ADAMTS12: variants seen among roughly 807,000 people sequenced by gnomAD.
The protein encoded by ADAMTS12 is A disintegrin and metalloproteinase with thrombospondin motifs 12.
ADAMTS12 carries 118 observed loss-of-function variants against 167.8 expected under a neutral mutation model. That is an observed-to-expected ratio of 0.70 (90% CI 0.61 to 0.82). ADAMTS12 has a LOEUF of 0.82. Among genes scored for constraint, ADAMTS12 ranks in the 40% least tolerant of loss-of-function variants. ADAMTS12 has a pLI of 0.00. For missense variants in ADAMTS12, 1,916 were observed against 1,998.8 expected (o/e 0.96, Z 0.79); for synonymous variants, 704 against 716.9 (o/e 0.98, Z 0.29).
intron 3 of ADAMTS12, among the ~76,000 whole-genome samples, chr5:33,701,246 C>G (rs1232344482): frequency 6.6e-6 from 1 of 152,216 alleles, no homozygotes; most frequent in African/African-American, 2.4e-5. Context: ...AGGTTCTACT[C>G]CCCAACATCT....
chr5:33,783,989 T>C (rs1350454206), intron 2 of ADAMTS12, among the ~76,000 whole-genome samples: 1 of 151,868 alleles, frequency 6.6e-6, no homozygotes, highest in African/African-American at 2.4e-5. Flanking sequence ...TTTAGCAATA[T>C]ATGAAAAAGA....
At chr5:33,701,499 C>T (rs1336060045) in intron 3 of ADAMTS12, among the ~76,000 whole-genome samples, 3 of 152,144 alleles carry the variant, frequency 2.0e-5, no homozygotes, top group Non-Finnish European at 4.4e-5. Flanking sequence ...GACAACCACC[C>T]CACCCACCCC....
intron 17 of ADAMTS12, among the ~76,000 whole-genome samples, chr5:33,593,810 A>G (rs1201897079): frequency 6.6e-6 from 1 of 152,206 alleles, no homozygotes; most frequent in Non-Finnish European, 1.5e-5. Flanking sequence ...AACATCCTGC[A>G]CATTCTGCAC....
At chr5:33,706,628 A>C (rs180854048) in intron 3 of ADAMTS12, among the ~76,000 whole-genome samples, 5 of 152,236 alleles carry the variant, frequency 3.3e-5, no homozygotes, top group African/African-American at 1.2e-4. Flanking sequence ...TTTCTCTTTT[A>C]ATTGGGGCAT....
rs116851579 is a variant in ADAMTS12, at chr5:33,557,578, T to C, written c.4125+3449A>G. 1.2e-4 allele frequency among the ~76,000 whole-genome samples: 19 copies of C among 152,242 alleles called. No individual in the cohort carries two copies. In the East Asian group the frequency reaches 3.5e-3, roughly 28 times the overall value. On this transcript the variant is annotated intron_variant, in intron 20 of 23. Coordinates refer to ENST00000504830, the MANE Select transcript of ADAMTS12 (RefSeq NM_030955.4). ...CCAGGAGGTTGAGGCTGGAGTGAGC[T>C]GTGAGTGGGCCACTGCACTCCAGCT...
At chr5:33,810,002 CAGATT>C (rs1747392973) in intron 2 of ADAMTS12, among the ~76,000 whole-genome samples, 1 of 92,852 alleles carries the variant, frequency 1.1e-5, no homozygotes, top group Non-Finnish European at 2.1e-5. Flanking sequence ...AAAAAAAAAA[CAGATT>C]AGAAGCACTG....
chr5:33,766,745 CCAAT>C (rs752754100), intron 2 of ADAMTS12, among the ~76,000 whole-genome samples: 1 of 151,886 alleles, frequency 6.6e-6, no homozygotes, highest in Admixed American at 6.6e-5. Context: ...AAAGTTGATC[CCAAT>C]CAAAGTTGGA....
At chr5:33,876,789 A>G (rs1750242869) in intron 2 of ADAMTS12, among the ~76,000 whole-genome samples, 1 of 152,250 alleles carries the variant, frequency 6.6e-6, no homozygotes, top group Non-Finnish European at 1.5e-5. Flanking sequence ...TCTTGACCAC[A>G]TCAGTGTTAA....
At chr5:33,837,112 C>T (rs1748558511) in intron 2 of ADAMTS12, among the ~76,000 whole-genome samples, 1 of 152,172 alleles carries the variant, frequency 6.6e-6, no homozygotes, top group Non-Finnish European at 1.5e-5. Context: ...ACAAGCCCCA[C>T]TGTGTGCTTT....
At chr5:33,792,962 T>C (rs757192832) in intron 2 of ADAMTS12, among the ~76,000 whole-genome samples, 5 of 152,186 alleles carry the variant, frequency 3.3e-5, no homozygotes, top group Admixed American at 6.5e-5. Context: ...TGTTGTCTCT[T>C]TCCCATAGCA....
At chr5:33,567,999 G>A (rs1746095910) in intron 19 of ADAMTS12, among the ~76,000 whole-genome samples, 1 of 152,110 alleles carries the variant, frequency 6.6e-6, no homozygotes, top group Non-Finnish European at 1.5e-5. Flanking sequence ...CGGTTTCCTT[G>A]CCTCTACAAT....
intron 23 of ADAMTS12, among the ~76,000 whole-genome samples, chr5:33,532,246 C>T (rs1275159939): frequency 6.6e-6 from 1 of 152,116 alleles, no homozygotes; most frequent in East Asian, 1.9e-4. Context: ...ATGTTGTTGA[C>T]AAATACAGCT....
intron 18 of ADAMTS12, among the ~76,000 whole-genome samples, chr5:33,586,344 T>C (rs201917482): frequency 6.6e-6 from 1 of 152,354 alleles, no homozygotes; most frequent in East Asian, 1.9e-4. Context: ...AATATTTTGA[T>C]ACTGATTTAA....
At chr5:33,724,904 A>C (rs1023459624) in intron 3 of ADAMTS12, among the ~76,000 whole-genome samples, 2 of 152,152 alleles carry the variant, frequency 1.3e-5, no homozygotes, top group South Asian at 4.1e-4. Context: ...CGTTGAGCCA[A>C]CCAATCCAAA....
intron 19 of ADAMTS12, among the ~76,000 whole-genome samples, chr5:33,571,277 A>G (rs1402778946): frequency 3.9e-5 from 6 of 152,148 alleles, no homozygotes; most frequent in African/African-American, 7.2e-5. Flanking sequence ...CTCCACCCTA[A>G]ATCAACAGAA....
chr5:33,838,290 A>G (rs1226485765), intron 2 of ADAMTS12, among the ~76,000 whole-genome samples: 2 of 152,252 alleles, frequency 1.3e-5, no homozygotes, highest in Non-Finnish European at 2.9e-5. Context: ...AATGGTGTCA[A>G]AGGATTAAAA....
intron 18 of ADAMTS12, among the ~76,000 whole-genome samples, chr5:33,584,355 G>A (rs527494294): frequency 1.3e-5 from 2 of 151,928 alleles, no homozygotes; most frequent in Non-Finnish European, 2.9e-5. Context: ...TAGATGCAAT[G>A]CATGAGGTTT....
chr5:33,811,645 C>T (rs1010317449), intron 2 of ADAMTS12, among the ~76,000 whole-genome samples: 5 of 152,164 alleles, frequency 3.3e-5, no homozygotes, highest in East Asian at 1.9e-4. Flanking sequence ...GGGCCCCATA[C>T]GTTGCAGTAA....
chr5:33,657,505 G>C (rs771288732), intron 7 of ADAMTS12, among the ~76,000 whole-genome samples: 1 of 152,196 alleles, frequency 6.6e-6, no homozygotes, highest in South Asian at 2.1e-4. Flanking sequence ...GGAAACCTCT[G>C]ATATCTGGTG....
Sources: gnomAD v4.1 joint callset for allele counts (sites outside exome capture counted in the v4.1 genomes callset) on GRCh38, gnomAD v4.1.1 for gene constraint, MANE v1.5 for transcripts, NCBI Gene and HGNC (gene_info 2026-07-23, HGNC 2026-07-21) for gene names.